The following USP31 variants were observed in gnomAD, a reference collection of about 807,000 sequenced individuals.
The protein encoded by USP31 is ubiquitin carboxyl-terminal hydrolase 31.
USP31 carries 44 observed loss-of-function variants against 119.4 expected under a neutral mutation model. The observed-to-expected ratio is 0.37, with a 90% CI of 0.29 to 0.47. The LOEUF (loss-of-function observed/expected upper bound fraction) is 0.47, where lower values mean the gene tolerates loss of function less well. USP31 is among the 20% of genes least tolerant of loss of function. The pLI, the probability that USP31 is intolerant of heterozygous loss-of-function variation, is 0.99. For missense variants in USP31, 1,643 were observed against 1,730.2 expected (o/e 0.95, Z 0.89); for synonymous variants, 749 against 705.6 (o/e 1.06, Z -0.97).
intron 1 of USP31, among the ~76,000 whole-genome samples, chr16:23,148,118 C>A (rs969887116): frequency 6.6e-6 from 1 of 152,092 alleles, no homozygotes; most frequent in Admixed American, 6.6e-5. Flanking sequence ...TATAAAAGTG[C>A]CAATCTGTAA....
chr16:23,095,553 C>T (rs1596705634), intron 6 of USP31, among the ~76,000 whole-genome samples: 1 of 152,292 alleles, frequency 6.6e-6, no homozygotes, highest in Non-Finnish European at 1.5e-5. Context: ...TTGTCAGATT[C>T]ACCAAGGTTG....
chr16:23,106,720 G>A (rs1385150830), intron 2 of USP31, among the ~76,000 whole-genome samples: 1 of 152,136 alleles, frequency 6.6e-6, no homozygotes, highest in Non-Finnish European at 1.5e-5. Flanking sequence ...ACAGCACTCA[G>A]CCGGGCAGCT....
intron 1 of USP31, among the ~76,000 whole-genome samples, chr16:23,138,248 C>G (rs1567248775): frequency 1.3e-5 from 2 of 152,204 alleles, no homozygotes; most frequent in Admixed American, 6.5e-5. Context: ...AGCCAAAACT[C>G]TATCCTAAAC....
At chr16:23,109,196 C>A (rs1465491973) in intron 1 of USP31, among the ~76,000 whole-genome samples, 3 of 152,124 alleles carry the variant, frequency 2.0e-5, no homozygotes, top group African/African-American at 7.2e-5. Flanking sequence ...CACTGAAAGG[C>A]GAAGAAGTAG....
At chr16:23,102,751 T>C (rs1010302091) in intron 5 of USP31, among the ~76,000 whole-genome samples, 2 of 152,204 alleles carry the variant, frequency 1.3e-5, no homozygotes, top group African/African-American at 4.8e-5. Context: ...ATTGAATGTA[T>C]ACTGAACAGA....
At chr16:23,078,344 A>T (rs1900676230) in intron 13 of USP31, among the ~76,000 whole-genome samples, 1 of 151,864 alleles carries the variant, frequency 6.6e-6, no homozygotes, top group Admixed American at 6.6e-5. Context: ...ATTTATAAAA[A>T]ATTAAGTGTC....
At chr16:23,115,202 C>G (rs553882696) in intron 1 of USP31, among the ~76,000 whole-genome samples, 28 of 141,260 alleles carry the variant, frequency 2.0e-4, no homozygotes, top group African/African-American at 7.0e-4. Flanking sequence ...CTTTGATTTG[C>G]CTTTTACGAT....
At chr16:23,148,568 G>A in intron 1 of USP31, 70 bp downstream of exon 1, 1 of 1,392,442 alleles carries the variant, frequency 7.2e-7, no homozygotes, top group Non-Finnish European at 9.2e-7. Context: ...ACCGAGGGAA[G>A]GAAGACCTGG....
intron 6 of USP31, among the ~76,000 whole-genome samples, chr16:23,092,095 C>G (rs1354369042): frequency 6.6e-6 from 1 of 151,752 alleles, no homozygotes; most frequent in Non-Finnish European, 1.5e-5. Flanking sequence ...GCTGTGTGAG[C>G]TGGGAGTGGT....
intron 1 of USP31, among the ~76,000 whole-genome samples, chr16:23,127,439 C>T (rs1054112177): frequency 6.6e-5 from 10 of 151,842 alleles, no homozygotes; most frequent in African/African-American, 2.4e-4. Context: ...AAGAAAACCT[C>T]ATTTTAAAAA....
Position 23,065,322 on chromosome 16 carries a change from T to TAAAAAAAAAAAAA in USP31, c.*2711_*2723dup, listed in dbSNP as rs575145264. 2.8e-5 allele frequency: 3 copies of TAAAAAAAAAAAAA among 108,842 alleles called. No homozygotes were observed. The highest frequency in any genetic ancestry group is 9.2e-5 in the Admixed American group (1 of 10,904). 6.7% of individuals were successfully genotyped at this position (108,842 alleles called of 1,614,324 possible). A position where few individuals can be genotyped will look rare whatever the true frequency, so the allele number is the denominator to read the frequency against. ...TTGTGCTAAATATTGCTGGGAAAAT[T>TAAAAAAAAAAAAA]AAAAAAAAAAAAAAAAAGAAAAGAA... On this transcript the variant is annotated 3_prime_UTR_variant, in exon 16 of 16. Coordinates refer to ENST00000219689, the MANE Select transcript of USP31 (RefSeq NM_020718.4).
At chr16:23,135,192 A>G (rs1255641058) in intron 1 of USP31, among the ~76,000 whole-genome samples, 2 of 151,980 alleles carry the variant, frequency 1.3e-5, no homozygotes, top group African/African-American at 2.4e-5. Flanking sequence ...AACTTCCTCA[A>G]CATGATAGAA....
intron 1 of USP31, among the ~76,000 whole-genome samples, chr16:23,140,625 C>T (rs1334778066): frequency 6.6e-6 from 1 of 152,146 alleles, no homozygotes; most frequent in African/African-American, 2.4e-5. Context: ...GTCTATAGCC[C>T]ATGGCTTTAA....
chr16:23,097,036 A>C (rs1000521830), intron 6 of USP31, among the ~76,000 whole-genome samples: 4 of 152,222 alleles, frequency 2.6e-5, no homozygotes, highest in Non-Finnish European at 4.4e-5. Flanking sequence ...CCCTTCAAAA[A>C]AATAAATGAA....
intron 1 of USP31, among the ~76,000 whole-genome samples, chr16:23,121,083 T>C (rs1415337469): frequency 6.6e-6 from 1 of 152,232 alleles, no homozygotes; most frequent in African/African-American, 2.4e-5. Context: ...TATTCTGCTA[T>C]TGCATTTTTA....
chr16:23,121,194 G>A (rs577752435), intron 1 of USP31, among the ~76,000 whole-genome samples: 49 of 152,238 alleles, frequency 3.2e-4, no homozygotes, highest in African/African-American at 1.1e-3. Flanking sequence ...TAAACCCAGA[G>A]TACTCCCAGT....
In USP31 at chr16:23,062,035, T is replaced by C. The variant is rs559149658; in HGVS notation, c.*6011A>G. 4.6e-5 allele frequency: 7 copies of C among 152,800 alleles called. No individual in the cohort carries two copies. The highest frequency in any genetic ancestry group is 2.1e-4 in the South Asian group (1 of 4,830). The allele number at this position is 152,800 out of a possible 1,614,324, so 9.5% of individuals were successfully genotyped here. A position where few individuals can be genotyped will look rare whatever the true frequency, so the allele number is the denominator to read the frequency against. On this transcript the variant is annotated 3_prime_UTR_variant, in exon 16 of 16. Coordinates refer to ENST00000219689, the MANE Select transcript of USP31 (RefSeq NM_020718.4). ...ATAATAGCACCTAGGAAATTTCATA[T>C]TGCATTTGGACGACTGCAACAGATA...
rs545530328 is a variant in USP31 at position 23,069,779 on chromosome 16, C to T, written c.2489-163G>A. Among the ~76,000 whole-genome samples the T allele has an allele frequency of 2.6e-5, 4 of 152,340 alleles. No individual in the cohort carries two copies. In the South Asian group the frequency reaches 8.3e-4, roughly 32 times the overall value. ...TCAAGGAGTCCCTGTGTGGCTTTGACTTTTCTGAGCCCAGTTTCCTTATGT... is the reference window on the plus strand; with the variant it reads ...TCAAGGAGTCCCTGTGTGGCTTTGATTTTTCTGAGCCCAGTTTCCTTATGT... On this transcript the variant is annotated intron_variant, in intron 15 of 15. Transcript: ENST00000219689.
intron 13 of USP31, among the ~76,000 whole-genome samples, chr16:23,075,619 G>A (rs1210939215): frequency 2.0e-5 from 3 of 152,050 alleles, no homozygotes; most frequent in Non-Finnish European, 4.4e-5. Context: ...TATTTTTATT[G>A]TATTCTTACA....
Sources: allele counts gnomAD v4.1 joint callset (sites outside exome capture counted in the v4.1 genomes callset), GRCh38; gene constraint gnomAD v4.1.1; transcripts MANE v1.5; gene names NCBI Gene and HGNC (gene_info 2026-07-23, HGNC 2026-07-21).